The following RBMS1 variants were observed in gnomAD, a reference collection of about 807,000 sequenced individuals.
The protein encoded by RBMS1 is RNA binding motif single stranded interacting protein 1.
Under a neutral mutation model 62.3 loss-of-function variants are expected in RBMS1, and 17 were observed. The observed-to-expected ratio is 0.27, with a 90% CI of 0.19 to 0.41. RBMS1 has a LOEUF of 0.41. Ranked by LOEUF, RBMS1 falls within the 10% of genes least tolerant of loss-of-function variation. The pLI, the probability that RBMS1 is intolerant of heterozygous loss-of-function variation, is 1.00. For synonymous variants in RBMS1, 172 were observed against 170.0 expected (o/e 1.01, Z -0.09); for missense variants, 334 against 504.5 (o/e 0.66, Z 3.24).
chr2:160,467,349 A>T (rs952984393), intron 1 of RBMS1, among the ~76,000 whole-genome samples: 17 of 152,166 alleles, frequency 1.1e-4, no homozygotes, highest in African/African-American at 3.9e-4. Context: ...AAGAACCAGG[A>T]TTTCTGATTA....
rs1687696306 is a variant in RBMS1 at position 160,273,937 on chromosome 2, T to C, written c.*835A>G. The C allele has an allele frequency of 6.6e-6, 1 of 152,636 alleles. No individual in the cohort carries two copies. The highest frequency in any genetic ancestry group is 1.5e-5 in the Non-Finnish European group (1 of 68,034). 9.5% of individuals were successfully genotyped at this position (152,636 alleles called of 1,614,324 possible). ...AAATGTGTTTCACACAAAACATTTT[T>C]CCCTTCTTGCATTTCACTACCTTAC... On this transcript the variant is annotated 3_prime_UTR_variant, in exon 14 of 14. Transcript: ENST00000348849.
At chr2:160,449,577 G>A (rs186770334) in intron 1 of RBMS1, among the ~76,000 whole-genome samples, 5,310 of 152,172 alleles carry the variant, frequency 0.035, 284 homozygotes, top group African/African-American at 0.12. Context: ...AGGGTTAAAC[G>A]GATTAAGGGC....
intron 1 of RBMS1, among the ~76,000 whole-genome samples, chr2:160,438,369 C>A (rs956490243): frequency 2.7e-5 from 4 of 150,274 alleles, no homozygotes; most frequent in African/African-American, 7.4e-5. Context: ...AACAAGTGAA[C>A]AAAGGTCTCT....
At chr2:160,341,174 T>C (rs1346085925) in intron 2 of RBMS1, among the ~76,000 whole-genome samples, 1 of 152,144 alleles carries the variant, frequency 6.6e-6, no homozygotes, top group Non-Finnish European at 1.5e-5. Context: ...CTTAATCATA[T>C]AATGAAAATT....
At chr2:160,434,267 CAAAT>C (rs1440252836) in intron 1 of RBMS1, among the ~76,000 whole-genome samples, 2 of 152,120 alleles carry the variant, frequency 1.3e-5, no homozygotes, top group East Asian at 1.9e-4. Flanking sequence ...ATTTAAAAAA[CAAAT>C]AAAAACCTCT....
chr2:160,380,969 C>A (rs1694258287), intron 1 of RBMS1, among the ~76,000 whole-genome samples: 1 of 152,140 alleles, frequency 6.6e-6, no homozygotes, highest in Non-Finnish European at 1.5e-5. Flanking sequence ...ACAGTTTAAT[C>A]CTGCCTGGAT....
chr2:160,385,385 T>TA (rs1370971711), intron 1 of RBMS1, among the ~76,000 whole-genome samples: 4 of 151,318 alleles, frequency 2.6e-5, no homozygotes, highest in African/African-American at 4.9e-5. Flanking sequence ...AAATAAAAAA[T>TA]AAAAAAGAGA....
chr2:160,323,196 C>T (rs1328494732), intron 2 of RBMS1, among the ~76,000 whole-genome samples: 36 of 151,126 alleles, frequency 2.4e-4, no homozygotes, highest in Admixed American at 2.4e-3. Context: ...AAATCATCAG[C>T]CAGGCACGGT....
intron 2 of RBMS1, among the ~76,000 whole-genome samples, chr2:160,352,517 A>G (rs554527422): frequency 6.6e-6 from 1 of 152,294 alleles, no homozygotes; most frequent in South Asian, 2.1e-4. Context: ...ATATAGCACA[A>G]CAAATGTTAA....
chr2:160,479,544 T>C lies in RBMS1; in HGVS notation c.75+13745A>G, dbSNP rs556301913. Among the ~76,000 whole-genome samples, 84 of 152,238 alleles carry C rather than the reference T, an allele frequency of 5.5e-4. 1 individual carries two copies. Among genetic ancestry groups the C allele is most frequent in the African/African-American group, 1.9e-3 (81 of 41,544 alleles). On this transcript the variant is annotated intron_variant, in intron 1 of 13. Transcript: ENST00000348849. ...CCAACCTGTGATCAGTTTCCTGGAG[T>C]GATGCTGAAGCTCCTGTGTGGTCTC...
chr2:160,408,176 T>C (rs66524163), intron 1 of RBMS1, among the ~76,000 whole-genome samples: 43,701 of 151,514 alleles, frequency 0.29, 6,939 homozygotes, highest in East Asian at 0.6. Flanking sequence ...TCTGTTCTTT[T>C]TCCCCCTCGG....
In RBMS1 at chr2:160,451,733, C is replaced by T. The variant is rs184087645; in HGVS notation, c.75+41556G>A. 2.0e-4 allele frequency among the ~76,000 whole-genome samples: 30 copies of T among 152,070 alleles called. No homozygotes were observed. In the East Asian group the frequency reaches 4.1e-3, roughly 21 times the overall value. On this transcript the variant is annotated intron_variant, in intron 1 of 13. Transcript: ENST00000348849. ...AAGCAATTCTCCTGCCTCAGCCACC[C>T]GAGTAGCTGGGATTACAGGTGTGCG...
intron 1 of RBMS1, among the ~76,000 whole-genome samples, chr2:160,371,179 C>T (rs190787213): frequency 6.6e-6 from 1 of 152,356 alleles, no homozygotes; most frequent in Admixed American, 6.5e-5. Context: ...ACAGCAATTA[C>T]ACTTTGCGTT....
intron 2 of RBMS1, among the ~76,000 whole-genome samples, chr2:160,331,558 A>G (rs1398247783): frequency 2.0e-5 from 3 of 152,192 alleles, no homozygotes; most frequent in Non-Finnish European, 2.9e-5. Flanking sequence ...TAGTGCCTGA[A>G]AATAATAAAC....
intron 1 of RBMS1, among the ~76,000 whole-genome samples, chr2:160,476,937 A>G (rs1021189647): frequency 1.3e-5 from 2 of 152,216 alleles, no homozygotes; most frequent in African/African-American, 2.4e-5. Flanking sequence ...ATAAAGTACG[A>G]TATAAAACTA....
At chr2:160,471,373 G>A (rs1203562967) in intron 1 of RBMS1, among the ~76,000 whole-genome samples, 3 of 151,960 alleles carry the variant, frequency 2.0e-5, no homozygotes, top group Non-Finnish European at 4.4e-5. Flanking sequence ...ACATTTCTAT[G>A]TAAGTATACA....
intron 1 of RBMS1, among the ~76,000 whole-genome samples, chr2:160,402,525 T>C (rs1695492348): frequency 6.6e-6 from 1 of 152,224 alleles, no homozygotes; most frequent in Admixed American, 6.5e-5. Context: ...ATTCACTGTT[T>C]ATCTGAAATT....
Position 160,278,421 on chromosome 2 carries a change from G to A in RBMS1, c.1062+127C>T, listed in dbSNP as rs72998721. ...GTATTTACTTTATGGAAGGTCATGT[G>A]GGGGGAAGAGAGGGGATTAGACATA... On this transcript the variant is annotated intron_variant, in intron 11 of 13. Coordinates refer to ENST00000348849, the MANE Select transcript of RBMS1 (RefSeq NM_016836.4). The A allele has an allele frequency of 1.4e-3, 1,037 of 762,136 alleles. 4 individuals carry two copies. The African/African-American group carries it at 0.016, about 11-fold the overall frequency. 47.2% of individuals were successfully genotyped at this position (762,136 alleles called of 1,614,324 possible). A position where few individuals can be genotyped will look rare whatever the true frequency, so the allele number is the denominator to read the frequency against.
intron 1 of RBMS1, among the ~76,000 whole-genome samples, chr2:160,411,437 A>G (rs1696031805): frequency 6.6e-6 from 1 of 152,210 alleles, no homozygotes; most frequent in Non-Finnish European, 1.5e-5. Flanking sequence ...GCATTTGGCC[A>G]TGAAATGATG....
Sources: gnomAD v4.1 joint callset for allele counts (sites outside exome capture counted in the v4.1 genomes callset) on GRCh38, gnomAD v4.1.1 for gene constraint, MANE v1.5 for transcripts, NCBI Gene and HGNC (gene_info 2026-07-23, HGNC 2026-07-21) for gene names.